ZNF518A: variants seen among roughly 807,000 people sequenced by gnomAD.
ZNF518A encodes zinc finger protein 518A, also known as zinc finger protein 518.
A neutral mutation model predicts 102.7 loss-of-function variants in ZNF518A; 47 were observed. That is an observed-to-expected ratio of 0.46 (90% CI 0.36 to 0.58). ZNF518A has a LOEUF of 0.58. Ranked by LOEUF, ZNF518A falls within the 20% of genes least tolerant of loss-of-function variation. The pLI, the probability that ZNF518A is intolerant of heterozygous loss-of-function variation, is 0.00. For missense variants in ZNF518A, 1,793 were observed against 1,699.8 expected (o/e 1.05, Z -0.96); for synonymous variants, 652 against 594.6 (o/e 1.10, Z -1.40).
Position 96,158,440 on chromosome 10 carries a change from A to G in ZNF518A, c.2118A>G (p.Lys706=). The G allele has an allele frequency of 6.2e-7, 1 of 1,613,048 alleles. No individual in the cohort carries two copies. Among genetic ancestry groups the G allele is most frequent in the African/African-American group, 1.3e-5 (1 of 74,986 alleles). The change falls in exon 6 of 6, where the codon AAA becomes AAG. Residue 706 remains lysine, a synonymous_variant. Coordinates refer to ENST00000316045, the MANE Select transcript of ZNF518A (RefSeq NM_001330736.2). ...CATCTATTAGCCTTTTAAATGATAA[A>G]GATGGAACTTTAAAAGCAAAATCTG... ...LLASISLLND[K]DGTLKAKSEI...
At chr10:96,142,956 G>T (rs782173398) in intron 3 of ZNF518A, among the ~76,000 whole-genome samples, 1 of 151,910 alleles carries the variant, frequency 6.6e-6, no homozygotes, top group Non-Finnish European at 1.5e-5. Context: ...ACAGGCACCC[G>T]CAACCATGCC....
At chr10:96,199,757 C>T (rs1304522691) in intron 1 of ZNF518A, among the ~76,000 whole-genome samples, 3 of 152,158 alleles carry the variant, frequency 2.0e-5, no homozygotes, top group Non-Finnish European at 4.4e-5. Context: ...CGGTGGCTCA[C>T]GTCTGTAATC....
chr10:96,131,844 A>G (rs2081353604), intron 1 of ZNF518A, among the ~76,000 whole-genome samples: 1 of 152,132 alleles, frequency 6.6e-6, no homozygotes, highest in African/African-American at 2.4e-5. Context: ...TATATTTTGA[A>G]ATATTACAGA....
At chr10:96,134,734 G>A (rs1311193151) in intron 3 of ZNF518A, among the ~76,000 whole-genome samples, 1 of 152,170 alleles carries the variant, frequency 6.6e-6, no homozygotes, top group Non-Finnish European at 1.5e-5. Context: ...ATTTAAAGTT[G>A]TGACTGGTAT....
At chr10:96,137,939 C>CT (rs2081692424) in intron 3 of ZNF518A, among the ~76,000 whole-genome samples, 1 of 152,152 alleles carries the variant, frequency 6.6e-6, no homozygotes, top group Admixed American at 6.5e-5. Flanking sequence ...TTTCCTATTA[C>CT]TTTAACAATC....
At chr10:96,190,275 T>G (rs2083308504) in intron 1 of ZNF518A, 2 of 697,566 alleles carry the variant, frequency 2.9e-6, no homozygotes, top group Admixed American at 3.7e-5. Flanking sequence ...AAACGACCAC[T>G]GCTCAAGAGA....
intron 1 of ZNF518A, among the ~76,000 whole-genome samples, chr10:96,177,651 T>C (rs1207312756): frequency 6.6e-6 from 1 of 152,102 alleles, no homozygotes; most frequent in East Asian, 1.9e-4. Flanking sequence ...AGAGGAACCA[T>C]TGTAAAAAAC....
rs1031722572 is a variant in ZNF518A, at chr10:96,161,849, T to G, written c.*1075T>G. On this transcript the variant is annotated 3_prime_UTR_variant, in exon 6 of 6. Transcript: ENST00000316045. ...GACAACCCAAAACATATATACAGAT[T>G]GTTGGCATTTGCAAAAGGAAGCATC... The G allele has an allele frequency of 6.0e-6, 1 of 166,988 alleles. No individual in the cohort carries two copies. Among genetic ancestry groups the G allele is most frequent in the Non-Finnish European group, 1.5e-5 (1 of 68,042 alleles). 10.3% of individuals were successfully genotyped at this position (166,988 alleles called of 1,614,324 possible). A position where few individuals can be genotyped will look rare whatever the true frequency, so the allele number is the denominator to read the frequency against.
intron 1 of ZNF518A, among the ~76,000 whole-genome samples, chr10:96,170,140 C>T (rs1372131653): frequency 6.6e-6 from 1 of 152,180 alleles, no homozygotes; most frequent in South Asian, 2.1e-4. Context: ...ATGAGTGTGA[C>T]CTTCTAGATT....
chr10:96,181,775 G>A (rs2083241797), intron 1 of ZNF518A, among the ~76,000 whole-genome samples: 1 of 152,150 alleles, frequency 6.6e-6, no homozygotes, highest in Non-Finnish European at 1.5e-5. Context: ...GTAGCGTGAT[G>A]CCTCCAGCTT....
intron 2 of ZNF518A, chr10:96,133,053 AATACTT>A (rs1235999967): frequency 3.3e-4 from 51 of 152,288 alleles, no homozygotes; most frequent in African/African-American, 1.2e-3. Flanking sequence ...GCTAAAATAA[AATACTT>A]AAACATGAGT....
chr10:96,200,922 C>T lies in ZNF518A; in HGVS notation n.36-2652C>T. ...CTCCAAATGTCTTCTTCTCAGAAGA[C>T]ATGCTCTTTCCTGCAGTTTCCTGGT... On this transcript the variant is annotated intron_variant and non_coding_transcript_variant, in intron 1 of 2. Transcript: ENST00000442635. This position sits in a 1 kb window ranked among gnomAD's most constrained non-coding sequence, Gnocchi z 4.3. 1.4e-6 allele frequency: 2 copies of T among 1,439,418 alleles called. No homozygotes were observed. Among genetic ancestry groups the T allele is most frequent in the South Asian group, 1.1e-5 (1 of 87,530 alleles). The allele number at this position is 1,439,418 out of a possible 1,614,324, so 89.2% of individuals were successfully genotyped here.
At chr10:96,164,477 G>C (rs1356930105), downstream of ZNF518A, among the ~76,000 whole-genome samples, 1 of 152,080 alleles carries the variant, frequency 6.6e-6, no homozygotes, top group African/African-American at 2.4e-5. Flanking sequence ...ACTTTTTCCT[G>C]TAATGGAGAG....
rs1004048631 is a variant in ZNF518A at position 96,130,610 on chromosome 10, G to C, written c.-595G>C. The C allele has an allele frequency of 6.6e-6, 1 of 152,362 alleles. No homozygotes were observed. The highest frequency in any genetic ancestry group is 6.5e-5 in the Admixed American group (1 of 15,288). 9.4% of individuals were successfully genotyped at this position (152,362 alleles called of 1,614,324 possible). ...GTGGAGACAGCAAGGGCGCCCCGCA[G>C]ACCGCACCCCTCGAGCTATAGGTTC... On this transcript the variant is annotated 5_prime_UTR_variant, in exon 1 of 6. Transcript: ENST00000316045.
chr10:96,159,288 G>A lies in ZNF518A; in HGVS notation c.2966G>A (p.Gly989Asp), dbSNP rs1554885808. 4 of 1,613,366 alleles carry A rather than the reference G, an allele frequency of 2.5e-6. No homozygotes were observed. In the Admixed American group the frequency reaches 5.0e-5, roughly 20 times the overall value. ...VLTLNNGKLE[G>D]VSAVKTEGAP... The stretch of plus-strand genomic sequence containing the variant: ...ACACTTAATAATGGGAAACTTGAAG[G>A]TGTTTCCGCTGTCAAAACCGAGGGT... The change falls in exon 6 of 6, where the codon GGT (glycine) becomes GAT (aspartate). Residue 989 changes from glycine to aspartate, a missense_variant. By Grantham distance (94) the Gly-to-Asp change is moderately conservative (BLOSUM62 -1). This residue lies in a region of ZNF518A where 1,741 missense variants were observed against 1,622.6 expected (regional missense o/e 1.07). Transcript: ENST00000316045.
downstream of ZNF518A, among the ~76,000 whole-genome samples, chr10:96,165,353 C>G (rs1001409303): frequency 2.0e-5 from 3 of 151,982 alleles, no homozygotes; most frequent in Admixed American, 6.6e-5. Context: ...AGTGATTCAC[C>G]TGCCTTGGCC....
intron 1 of ZNF518A, among the ~76,000 whole-genome samples, chr10:96,181,008 T>C (rs1244059187): frequency 6.6e-6 from 1 of 152,222 alleles, no homozygotes; most frequent in African/African-American, 2.4e-5. Flanking sequence ...CAGCACCTGT[T>C]GTTTCCTGAC....
chr10:96,183,809 T>C (rs1191292581), intron 1 of ZNF518A, among the ~76,000 whole-genome samples: 2 of 152,050 alleles, frequency 1.3e-5, no homozygotes, highest in African/African-American at 4.8e-5. Context: ...GGGTGGAGAG[T>C]TCTGTAGATG....
At chr10:96,193,120 T>G (rs1455583275) in intron 1 of ZNF518A, among the ~76,000 whole-genome samples, 1 of 152,220 alleles carries the variant, frequency 6.6e-6, no homozygotes, top group African/African-American at 2.4e-5. Flanking sequence ...GAATATTCAG[T>G]CAGGGAGAGA....
Sources: allele counts gnomAD v4.1 joint callset (sites outside exome capture counted in the v4.1 genomes callset), GRCh38; gene constraint gnomAD v4.1.1; regional missense constraint gnomAD v4.1.1; non-coding constraint Gnocchi (gnomAD v3.1); transcripts MANE v1.5; gene names NCBI Gene and HGNC (gene_info 2026-07-23, HGNC 2026-07-21).